The following PCDHA4 variants were observed in gnomAD, a reference collection of about 807,000 sequenced individuals.
PCDHA4 encodes the protein protocadherin alpha 4, also known as protocadherin alpha-4.
PCDHA4 carries 49 observed loss-of-function variants against 61.4 expected under a neutral mutation model. The ratio of observed to expected loss-of-function variants is 0.80; its 90% CI spans 0.63 to 1.01. The LOEUF (loss-of-function observed/expected upper bound fraction) is 1.01. Among genes scored for constraint, PCDHA4 ranks in the 50% least tolerant of loss-of-function variants. The pLI, the probability that PCDHA4 is intolerant of heterozygous loss-of-function variation, is 0.00. For missense variants in PCDHA4, 1,254 were observed against 1,235.8 expected (o/e 1.01, Z -0.22); for synonymous variants, 590 against 550.3 (o/e 1.07, Z -1.01).
At chr5:140,922,289 G>C (rs1554200767) in intron 1 of PCDHA4, among the ~76,000 whole-genome samples, 1 of 152,222 alleles carries the variant, frequency 6.6e-6, no homozygotes, top group Non-Finnish European at 1.5e-5. Flanking sequence ...ATATGAAAAT[G>C]CTAGGAGAGG....
chr5:141,008,265 G>C (rs748504708), intron 3 of PCDHA4, among the ~76,000 whole-genome samples: 4 of 152,200 alleles, frequency 2.6e-5, no homozygotes, highest in Admixed American at 6.5e-5. Flanking sequence ...AGACTGAGAA[G>C]TAATAGGAAA....
chr5:140,914,769 T>C (rs2076832006), intron 1 of PCDHA4, among the ~76,000 whole-genome samples: 1 of 152,160 alleles, frequency 6.6e-6, no homozygotes, highest in South Asian at 2.1e-4. Flanking sequence ...ATGAGGTTTA[T>C]GACTTATCTT....
At chr5:140,911,439 A>C (rs2075473101) in intron 1 of PCDHA4, among the ~76,000 whole-genome samples, 2 of 152,080 alleles carry the variant, frequency 1.3e-5, no homozygotes, top group Admixed American at 1.3e-4. Context: ...AATTTCCCGC[A>C]ATTTCAGCTC....
At chr5:140,983,739 G>A (rs983923811) in intron 3 of PCDHA4, among the ~76,000 whole-genome samples, 1 of 152,194 alleles carries the variant, frequency 6.6e-6, no homozygotes, top group African/African-American at 2.4e-5. Context: ...TGGCTGGCTT[G>A]CAATAATCCA....
chr5:140,860,192 C>CATATAT (rs143984774), intron 1 of PCDHA4: 2 of 146,816 alleles, frequency 1.4e-5, no homozygotes, highest in African/African-American at 5.0e-5. Context: ...GCTCTCCTTA[C>CATATAT]ATATATATCT....
Position 140,896,173 on chromosome 5 carries a change from TTGCTATTGTGAATAG to T in PCDHA4, c.2386-82772_2386-82758del, listed in dbSNP as rs1554186855. On this transcript the variant is annotated intron_variant, in intron 1 of 3. Transcript: ENST00000530339. ...GGGCATTTAGGATTATTCTCTGTCT[TTGCTATTGTGAATAG>T]TGCCATGATGAACATACACATACAT... 2.6e-4 allele frequency among the ~76,000 whole-genome samples: 40 copies of T among 152,340 alleles called. 1 individual carries two copies. The East Asian group carries it at 5.2e-3, about 20-fold the overall frequency.
intron 1 of PCDHA4, chr5:140,843,413 G>C: frequency 1.3e-6 from 2 of 1,596,100 alleles, no homozygotes; most frequent in South Asian, 1.1e-5. Context: ...GGATGTCAAC[G>C]TGTACCTGAT....
intron 1 of PCDHA4, among the ~76,000 whole-genome samples, chr5:140,900,835 C>A (rs1023887892): frequency 1.3e-5 from 2 of 152,150 alleles, no homozygotes; most frequent in African/African-American, 4.8e-5. Flanking sequence ...CAACAATGTA[C>A]AAAGTTTCCC....
chr5:140,834,409 C>T (rs2150217049), intron 1 of PCDHA4: 3 of 1,610,410 alleles, frequency 1.9e-6, no homozygotes, highest in African/African-American at 2.7e-5. Context: ...GGATACGACC[C>T]AGGGGGCCGA....
At chr5:140,975,084 T>C (rs1353727401) in intron 1 of PCDHA4, among the ~76,000 whole-genome samples, 1 of 152,140 alleles carries the variant, frequency 6.6e-6, no homozygotes, top group African/African-American at 2.4e-5. Context: ...GTTGGCAGAA[T>C]CCAGTTGTTT....
chr5:140,902,657 T>G (rs1331790009), intron 1 of PCDHA4, among the ~76,000 whole-genome samples: 2 of 152,160 alleles, frequency 1.3e-5, no homozygotes, highest in Non-Finnish European at 2.9e-5. Context: ...GGTGCACCTG[T>G]CACCCAAGCA....
intron 1 of PCDHA4, among the ~76,000 whole-genome samples, chr5:140,944,214 G>T (rs72801002): frequency 0.015 from 2,290 of 152,232 alleles, 30 homozygotes; most frequent in Non-Finnish European, 0.021. Context: ...TTTAAAGAGG[G>T]TTTTACTCTG....
At chr5:140,850,812 A>T in intron 1 of PCDHA4, 1 of 1,598,316 alleles carries the variant, frequency 6.3e-7, no homozygotes, top group Non-Finnish European at 8.6e-7. Context: ...CATGGCCTTC[A>T]GCCCGGGCCT....
At chr5:140,967,944 A>T in intron 1 of PCDHA4, 1 of 1,614,088 alleles carries the variant, frequency 6.2e-7, no homozygotes, top group Non-Finnish European at 8.5e-7. Flanking sequence ...AATGACCAAG[A>T]CTCAGGCCCC....
At chr5:140,824,096 G>A (rs2150132154) in intron 1 of PCDHA4, 2 of 1,614,190 alleles carry the variant, frequency 1.2e-6, no homozygotes, top group Admixed American at 1.7e-5. Context: ...TTCAGTCCAA[G>A]CCTTCCTCAG....
At chr5:140,938,322 A>G (rs1467948489) in intron 1 of PCDHA4, among the ~76,000 whole-genome samples, 1 of 152,240 alleles carries the variant, frequency 6.6e-6, no homozygotes, top group Admixed American at 6.5e-5. Context: ...ATTGAATAGA[A>G]GTAATGTTAA....
At chr5:140,987,011 C>G (rs1266225593) in intron 3 of PCDHA4, among the ~76,000 whole-genome samples, 1 of 151,990 alleles carries the variant, frequency 6.6e-6, no homozygotes, top group African/African-American at 2.4e-5. Context: ...GTCATGAGTT[C>G]GAGACCAGCC....
At chr5:140,843,439 G>A (rs2150360020) in intron 1 of PCDHA4, 5 of 1,596,092 alleles carry the variant, frequency 3.1e-6, no homozygotes, top group South Asian at 1.1e-5. Context: ...CCATCTGCGC[G>A]GTATCCAGCC....
At position 140,877,496 on chromosome 5, in the gene PCDHA4, C is replaced by T. The variant is rs563591404; in HGVS notation, c.2385+67924C>T. On this transcript the variant is annotated intron_variant, in intron 1 of 3. Transcript: ENST00000530339. ...GTGTCGCTGGTGGAGAACGGCCAGG[C>T]CCCAAAGACGTCGTCGCGGGCCTCA... 24 of 1,613,862 alleles carry T rather than the reference C, an allele frequency of 1.5e-5. No individual in the cohort carries two copies. In the East Asian group the frequency reaches 4.9e-4, roughly 33 times the overall value.
Sources: allele counts gnomAD v4.1 joint callset (sites outside exome capture counted in the v4.1 genomes callset), GRCh38; gene constraint gnomAD v4.1.1; transcripts MANE v1.5; gene names NCBI Gene and HGNC (gene_info 2026-07-23, HGNC 2026-07-21).